The following VPS13B variants were observed in gnomAD, a reference collection of about 807,000 sequenced individuals.
The protein encoded by VPS13B is vacuolar protein sorting 13 homolog B.
VPS13B carries 285 observed loss-of-function variants against 426.4 expected under a neutral mutation model. The ratio of observed to expected loss-of-function variants is 0.67; its 90% CI spans 0.61 to 0.74. VPS13B has a LOEUF of 0.74. Among genes scored for constraint, VPS13B ranks in the 30% least tolerant of loss-of-function variants. The pLI is 0.00. For missense variants in VPS13B, 4,537 were observed against 4,782.6 expected (o/e 0.95, Z 1.51); for synonymous variants, 1,676 against 1,676.4 (o/e 1.00, Z 0.01).
At chr8:99,081,979 T>G (rs1229945389) in intron 3 of VPS13B, among the ~76,000 whole-genome samples, 2 of 152,184 alleles carry the variant, frequency 1.3e-5, no homozygotes, top group East Asian at 3.9e-4. Flanking sequence ...ATATACCCAG[T>G]AATGGGATGG....
chr8:99,424,317 A>C (rs574660721), intron 21 of VPS13B: 2 of 151,608 alleles, frequency 1.3e-5, no homozygotes, highest in African/African-American at 4.8e-5. Context: ...TGCACGTGAG[A>C]TGGGTTTCCT....
intron 43 of VPS13B, among the ~76,000 whole-genome samples, chr8:99,789,803 A>G (rs1046735017): frequency 6.6e-6 from 1 of 152,166 alleles, no homozygotes; most frequent in Non-Finnish European, 1.5e-5. Context: ...GCAGAATATG[A>G]AATTCTATGT....
In VPS13B at chr8:99,869,309, G is replaced by GA. The variant is rs577934821; in HGVS notation, c.11392+844_11392+845insA. ...GTCTGCATCCGCATCTGGCCATAAA[G>GA]CCCATGGGATGTGTTTCTAGGGAGG... is the stretch of plus-strand genomic sequence containing the variant. On this transcript the variant is annotated intron_variant, in intron 59 of 61. Transcript: ENST00000357162. Among the ~76,000 whole-genome samples, 3 of 152,168 alleles carry GA rather than the reference G, an allele frequency of 2.0e-5. No homozygotes were observed. In the South Asian group the frequency reaches 6.2e-4, roughly 32 times the overall value.
intron 19 of VPS13B, among the ~76,000 whole-genome samples, chr8:99,329,922 TGTA>T (rs1288528180): frequency 6.6e-6 from 1 of 152,026 alleles, no homozygotes; most frequent in Non-Finnish European, 1.5e-5. Flanking sequence ...TTGGATATTC[TGTA>T]GTATCCCTGA....
At chr8:99,389,532 A>G (rs1588321164) in intron 20 of VPS13B, 1 of 152,188 alleles carries the variant, frequency 6.6e-6, no homozygotes, top group African/African-American at 2.4e-5. Flanking sequence ...TATGTGCTAT[A>G]TATGTTATTC....
At chr8:99,762,859 C>A (rs1043321619) in intron 39 of VPS13B, among the ~76,000 whole-genome samples, 2 of 151,966 alleles carry the variant, frequency 1.3e-5, no homozygotes, top group African/African-American at 4.8e-5. Context: ...TAATTTAGGC[C>A]TGGCACAGTG....
Position 99,115,782 on chromosome 8 carries a change from T to C in VPS13B, c.845T>C (p.Ile282Thr). 1.9e-6 allele frequency: 3 copies of C among 1,613,720 alleles called. No homozygotes were observed. The highest frequency in any genetic ancestry group is 1.7e-6 in the Non-Finnish European group (2 of 1,179,828). Residue 282 changes from isoleucine (I) to threonine (T), a missense_variant, in exon 7 of 62, where the codon ATT becomes ACT. Around this residue, in one of 2 missense-constraint regions of VPS13B, gnomAD observed 4,311 missense variants for 4,474.3 expected, o/e 0.96. Coordinates refer to ENST00000357162, the MANE Select transcript of VPS13B (RefSeq NM_152564.5). ...PMFIRIMQLGIALYYGEIGNF... is the reference protein window; with the variant it reads ...PMFIRIMQLGTALYYGEIGNF... ...TTTATTCGTATAATGCAACTTGGAA[T>C]TGCTCTTTACTATGGAGAAATAGGC...
intron 43 of VPS13B, among the ~76,000 whole-genome samples, chr8:99,796,137 A>G (rs1440373716): frequency 1.3e-5 from 2 of 152,156 alleles, no homozygotes; most frequent in Non-Finnish European, 2.9e-5. Context: ...TCCAAAAAGG[A>G]TATTTAGGGG....
chr8:99,425,655 C>T (rs916856541), intron 21 of VPS13B, among the ~76,000 whole-genome samples: 15 of 152,136 alleles, frequency 9.9e-5, no homozygotes, highest in Non-Finnish European at 1.8e-4. Context: ...AAAACTGGCA[C>T]AAGACAGGGA....
intron 23 of VPS13B, among the ~76,000 whole-genome samples, chr8:99,456,632 G>A (rs1818476009): frequency 6.6e-6 from 1 of 152,098 alleles, no homozygotes; most frequent in African/African-American, 2.4e-5. Context: ...TGTGAACCTA[G>A]TATTTCTCAA....
intron 19 of VPS13B, among the ~76,000 whole-genome samples, chr8:99,298,080 C>T (rs80321801): frequency 0.049 from 7,490 of 152,222 alleles, 207 homozygotes; most frequent in African/African-American, 0.071. Flanking sequence ...TAAACATTGT[C>T]AAAAGTTTAT....
chr8:99,619,345 T>C (rs1482682876), intron 33 of VPS13B, among the ~76,000 whole-genome samples: 1 of 152,168 alleles, frequency 6.6e-6, no homozygotes, highest in African/African-American at 2.4e-5. Context: ...TGTGAAAAAT[T>C]AGATTTCTCT....
chr8:99,073,699 CTTTTTTTTT>C (rs71273160), intron 3 of VPS13B, among the ~76,000 whole-genome samples: 1 of 83,572 alleles, frequency 1.2e-5, no homozygotes, highest in South Asian at 4.8e-4. Flanking sequence ...ATTTTCTTTC[CTTTTTTTTT>C]TTTTTTTTTT....
chr8:99,627,584 A>G (rs1431920670), intron 33 of VPS13B, among the ~76,000 whole-genome samples: 1 of 152,022 alleles, frequency 6.6e-6, no homozygotes. Context: ...GGGTTTCACC[A>G]TGTTGGCCAG....
chr8:99,158,813 A>C (rs189487013), intron 15 of VPS13B, among the ~76,000 whole-genome samples: 1 of 152,314 alleles, frequency 6.6e-6, no homozygotes, highest in East Asian at 1.9e-4. Context: ...GAAGATGTAC[A>C]GGGAGATGCA....
chr8:99,809,709 A>G (rs1297677399), intron 44 of VPS13B, among the ~76,000 whole-genome samples, 179 bp downstream of exon 44: 1 of 152,180 alleles, frequency 6.6e-6, no homozygotes, highest in Non-Finnish European at 1.5e-5. Context: ...GATGGCTTCA[A>G]ACCCTTTGTC....
chr8:99,141,820 G>A (rs1033616738), intron 12 of VPS13B, among the ~76,000 whole-genome samples: 5 of 151,172 alleles, frequency 3.3e-5, no homozygotes, highest in African/African-American at 9.7e-5. Context: ...CGAGGTGGGC[G>A]GATCATGAGG....
At position 99,776,934 on chromosome 8, in the gene VPS13B, T is replaced by C; in HGVS notation, c.7407T>C (p.His2469=). The C allele has an allele frequency of 6.2e-7, 1 of 1,614,046 alleles. No individual in the cohort carries two copies. Among genetic ancestry groups the C allele is most frequent in the Non-Finnish European group, 8.5e-7 (1 of 1,179,948 alleles). The change falls in exon 41 of 62, where the codon CAT becomes CAC. Residue 2469 remains histidine (H), a synonymous_variant. Transcript: ENST00000357162. ...QFAHLEFHLC[H]HLDQLGTAAP... ...CTCACCTGGAATTCCATCTTTGTCA[T>C]CACCTTGACCAACTAGGCACAGGTA...
chr8:99,795,541 T>G (rs780155139), intron 43 of VPS13B, among the ~76,000 whole-genome samples: 1 of 152,204 alleles, frequency 6.6e-6, no homozygotes, highest in Non-Finnish European at 1.5e-5. Flanking sequence ...TATAAAAAAT[T>G]ACCCCAAAAC....
Sources: gnomAD v4.1 joint callset for allele counts (sites outside exome capture counted in the v4.1 genomes callset) on GRCh38, gnomAD v4.1.1 for gene constraint, gnomAD v4.1.1 regional missense constraint, MANE v1.5 for transcripts, NCBI Gene and HGNC (gene_info 2026-07-23, HGNC 2026-07-21) for gene names.